GRID1: variants seen among roughly 807,000 people sequenced by gnomAD.
GRID1 encodes glutamate ionotropic receptor delta type subunit 1, also known as glutamate receptor ionotropic, delta-1.
GRID1 carries 28 observed loss-of-function variants against 98.0 expected under a neutral mutation model. That is an observed-to-expected ratio of 0.29 (90% CI 0.21 to 0.39). The LOEUF (loss-of-function observed/expected upper bound fraction) is 0.39. GRID1 is among the 10% of genes least tolerant of loss of function. The pLI, the probability that GRID1 is intolerant of heterozygous loss-of-function variation, is 1.00. For missense variants in GRID1, 1,111 were observed against 1,340.5 expected (o/e 0.83, Z 2.67); for synonymous variants, 553 against 538.5 (o/e 1.03, Z -0.37).
chr10:85,701,577 TAAGACTTGA>T (rs950629936), intron 12 of GRID1, among the ~76,000 whole-genome samples: 1 of 152,180 alleles, frequency 6.6e-6, no homozygotes, highest in Non-Finnish European at 1.5e-5. Context: ...AAGCCCAGGT[TAAGACTTGA>T]AAGGGTGATT....
intron 4 of GRID1, among the ~76,000 whole-genome samples, chr10:86,055,225 T>G (rs1252743498): frequency 6.6e-6 from 1 of 152,078 alleles, no homozygotes. Flanking sequence ...TTGGGGAGAG[T>G]TACACTGCAT....
At chr10:86,276,745 C>T (rs1847276463) in intron 2 of GRID1, among the ~76,000 whole-genome samples, 2 of 152,096 alleles carry the variant, frequency 1.3e-5, no homozygotes, top group African/African-American at 2.4e-5. Flanking sequence ...CTGCCTCAAC[C>T]TCCCAAAGTG....
intron 2 of GRID1, among the ~76,000 whole-genome samples, chr10:86,210,581 G>A (rs893712179): frequency 6.6e-6 from 1 of 152,210 alleles, no homozygotes; most frequent in African/African-American, 2.4e-5. Context: ...AGTAGTCACA[G>A]GCAAGAGCCA....
intron 8 of GRID1, among the ~76,000 whole-genome samples, chr10:85,754,835 C>T (rs565558851): frequency 1.3e-5 from 2 of 152,158 alleles, no homozygotes; most frequent in Non-Finnish European, 2.9e-5. Context: ...ATTTCTTCAC[C>T]CACAAAATAA....
chr10:85,942,804 C>A (rs1457315132), intron 4 of GRID1, among the ~76,000 whole-genome samples: 3 of 152,082 alleles, frequency 2.0e-5, no homozygotes, highest in Non-Finnish European at 4.4e-5. Flanking sequence ...GGAAGTGAGG[C>A]ATAGAAAGAA....
At chr10:86,301,218 C>T (rs1336573689) in intron 2 of GRID1, among the ~76,000 whole-genome samples, 1 of 152,204 alleles carries the variant, frequency 6.6e-6, no homozygotes, top group African/African-American at 2.4e-5. Context: ...TGAGAGGTAC[C>T]TCACCTTGGA....
At chr10:85,615,005 T>C (rs1842772309) in intron 14 of GRID1, among the ~76,000 whole-genome samples, 1 of 152,182 alleles carries the variant, frequency 6.6e-6, no homozygotes, top group Non-Finnish European at 1.5e-5. Flanking sequence ...GTTCTCTGGG[T>C]ATGTGTCGTT....
chr10:86,331,517 G>T (rs1376974961), intron 2 of GRID1, among the ~76,000 whole-genome samples: 6 of 152,212 alleles, frequency 3.9e-5, no homozygotes, highest in Non-Finnish European at 8.8e-5. Context: ...ATTGGAAGCT[G>T]GAGGGCTGGA....
chr10:86,320,838 G>T (rs908401944), intron 2 of GRID1, among the ~76,000 whole-genome samples: 8 of 152,062 alleles, frequency 5.3e-5, no homozygotes, highest in African/African-American at 1.9e-4. Context: ...GGTGGCTCAC[G>T]CCTGTAATCC....
chr10:85,883,666 T>C (rs1488294658), intron 5 of GRID1, among the ~76,000 whole-genome samples: 5 of 152,194 alleles, frequency 3.3e-5, no homozygotes, highest in Non-Finnish European at 7.3e-5. Context: ...CTTCAAAAAC[T>C]ATTTATGCTG....
intron 2 of GRID1, among the ~76,000 whole-genome samples, chr10:86,216,586 T>C (rs1203806177): frequency 2.6e-5 from 4 of 152,222 alleles, no homozygotes; most frequent in East Asian, 1.9e-4. Flanking sequence ...CAATTCACTT[T>C]ATCTAATTCT....
chr10:86,176,585 G>C (rs1298952023), intron 3 of GRID1, among the ~76,000 whole-genome samples: 1 of 152,154 alleles, frequency 6.6e-6, no homozygotes, highest in Non-Finnish European at 1.5e-5. Flanking sequence ...AGAAGGGAGG[G>C]GCCAGGTGGG....
intron 4 of GRID1, among the ~76,000 whole-genome samples, chr10:86,088,645 C>A (rs1844099660): frequency 6.6e-6 from 1 of 152,120 alleles, no homozygotes; most frequent in Non-Finnish European, 1.5e-5. Flanking sequence ...CTTCTGCTCC[C>A]AGGGAAATGG....
At chr10:85,757,160 GA>G (rs1431733949) in intron 8 of GRID1, among the ~76,000 whole-genome samples, 1 of 152,192 alleles carries the variant, frequency 6.6e-6, no homozygotes, top group Non-Finnish European at 1.5e-5. Flanking sequence ...CTCCTCTACT[GA>G]GCTCAGGCAC....
At chr10:85,689,446 GAA>G (rs56015435) in intron 12 of GRID1, among the ~76,000 whole-genome samples, 46 of 146,714 alleles carry the variant, frequency 3.1e-4, no homozygotes, top group South Asian at 1.5e-3. Flanking sequence ...CAAAGAAATG[GAA>G]AAAAAAAAAG....
At chr10:86,248,366 T>C (rs778118056) in intron 2 of GRID1, among the ~76,000 whole-genome samples, 6 of 152,002 alleles carry the variant, frequency 3.9e-5, no homozygotes, top group South Asian at 2.1e-4. Flanking sequence ...CAGAACCAAA[T>C]TGGGAGAGGG....
intron 12 of GRID1, among the ~76,000 whole-genome samples, chr10:85,710,211 T>C (rs992040520): frequency 1.1e-4 from 16 of 152,166 alleles, no homozygotes; most frequent in Admixed American, 9.8e-4. Context: ...CATTTTATGA[T>C]TTCCAAATGT....
chr10:85,810,734 A>G (rs887547870), intron 8 of GRID1, among the ~76,000 whole-genome samples: 2 of 152,162 alleles, frequency 1.3e-5, no homozygotes, highest in African/African-American at 4.8e-5. Flanking sequence ...AGCCTGGTGG[A>G]CCTGCCCCAG....
At chr10:85,642,202 T>C (rs34352127) in intron 13 of GRID1, among the ~76,000 whole-genome samples, 18,133 of 152,206 alleles carry the variant, frequency 0.12, 1,205 homozygotes, top group Non-Finnish European at 0.15. Flanking sequence ...ATAAACAGCA[T>C]GTAAATAAAT....
Sources: allele counts gnomAD v4.1 joint callset (sites outside exome capture counted in the v4.1 genomes callset), GRCh38; gene constraint gnomAD v4.1.1; transcripts MANE v1.5; gene names NCBI Gene and HGNC (gene_info 2026-07-23, HGNC 2026-07-21).